VSTM4: variants seen among roughly 807,000 people sequenced by gnomAD.
VSTM4 encodes V-set and transmembrane domain-containing protein 4.
A neutral mutation model predicts 36.4 loss-of-function variants in VSTM4; 20 were observed. That is an observed-to-expected ratio of 0.55 (90% confidence interval 0.39 to 0.80). VSTM4 has a LOEUF of 0.80. Among genes scored for constraint, VSTM4 ranks in the 30% least tolerant of loss-of-function variants. VSTM4 has a pLI of 0.00. For missense variants in VSTM4, 392 were observed against 404.5 expected (o/e 0.97, Z 0.26); for synonymous variants, 182 against 173.9 (o/e 1.05, Z -0.37).
At chr10:49,020,374 A>G (rs897068398) in intron 7 of VSTM4, among the ~76,000 whole-genome samples, 3 of 152,162 alleles carry the variant, frequency 2.0e-5, no homozygotes, top group African/African-American at 7.2e-5. Flanking sequence ...GCAGTTAGAA[A>G]AAGAGGAATA....
intron 2 of VSTM4, among the ~76,000 whole-genome samples, chr10:49,094,065 G>T (rs1338427110): frequency 1.3e-5 from 2 of 152,152 alleles, no homozygotes; most frequent in Non-Finnish European, 2.9e-5. Context: ...TACTCTTAAT[G>T]AATGAATGAA....
At chr10:49,097,169 G>C (rs936821277) in intron 2 of VSTM4, among the ~76,000 whole-genome samples, 2 of 152,226 alleles carry the variant, frequency 1.3e-5, no homozygotes, top group African/African-American at 4.8e-5. Context: ...CAGGGCTACA[G>C]CTGGGGCCCA....
intron 4 of VSTM4, among the ~76,000 whole-genome samples, chr10:49,067,749 G>A (rs1456444570): frequency 6.6e-6 from 1 of 152,152 alleles, no homozygotes; most frequent in Non-Finnish European, 1.5e-5. Context: ...ACTTTGCTGT[G>A]GCGGCCTCCG....
At chr10:49,055,776 G>T (rs910135471) in intron 5 of VSTM4, among the ~76,000 whole-genome samples, 1 of 152,232 alleles carries the variant, frequency 6.6e-6, no homozygotes, top group African/African-American at 2.4e-5. Flanking sequence ...CCTTTGAAAT[G>T]ATTCTTTTCC....
intron 7 of VSTM4, among the ~76,000 whole-genome samples, chr10:49,043,083 A>C (rs1843546132): frequency 1.3e-5 from 2 of 152,172 alleles, no homozygotes; most frequent in South Asian, 4.1e-4. Context: ...CATAAAAATC[A>C]TGTCAAAGAA....
chr10:49,086,984 G>A (rs1488453533), intron 2 of VSTM4, among the ~76,000 whole-genome samples: 1 of 152,184 alleles, frequency 6.6e-6, no homozygotes, highest in African/African-American at 2.4e-5. Context: ...AAGAAATACG[G>A]CAAAGATGGC....
chr10:49,039,878 G>C (rs1843493232), intron 7 of VSTM4, among the ~76,000 whole-genome samples: 1 of 152,192 alleles, frequency 6.6e-6, no homozygotes. Flanking sequence ...ATCAATAACT[G>C]ACAGAAAGCA....
intron 2 of VSTM4, among the ~76,000 whole-genome samples, chr10:49,095,858 A>T (rs1844562840): frequency 6.6e-6 from 1 of 152,128 alleles, no homozygotes; most frequent in African/African-American, 2.4e-5. Context: ...GGCATCAAAC[A>T]TCTCCATCTG....
At chr10:49,107,271 A>G (rs1844799582) in intron 2 of VSTM4, among the ~76,000 whole-genome samples, 4 of 152,236 alleles carry the variant, frequency 2.6e-5, no homozygotes, top group Non-Finnish European at 5.9e-5. Flanking sequence ...ACCAGGGTCC[A>G]GCTTTGTTTA....
At chr10:49,053,864 G>A (rs755001248) in intron 5 of VSTM4, among the ~76,000 whole-genome samples, 1 of 152,224 alleles carries the variant, frequency 6.6e-6, no homozygotes, top group Non-Finnish European at 1.5e-5. Context: ...CAGGTCATGA[G>A]AGAGGCTGCA....
Position 49,093,742 on chromosome 10 carries a change from CTTTTTTT to C in VSTM4, c.458-7726_458-7720del, listed in dbSNP as rs35299738. On this transcript the variant is annotated intron_variant, in intron 2 of 7. Transcript: ENST00000332853. ...GCCCATAGTTCAAGTCATAGTTACT[CTTTTTTT>C]TTTTTTTTTTTTTTTTGAGATGGAG... Among the ~76,000 whole-genome samples, 139 of 103,662 alleles carry C rather than the reference CTTTTTTT, an allele frequency of 1.3e-3. No homozygotes were observed. In the Middle Eastern group the frequency reaches 0.018, roughly 13 times the overall value. 68.0% of individuals were successfully genotyped at this position (103,662 alleles called of 152,430 possible). A position where few individuals can be genotyped will look rare whatever the true frequency, so the allele number is the denominator to read the frequency against.
intron 4 of VSTM4, among the ~76,000 whole-genome samples, chr10:49,066,360 G>T (rs181915272): frequency 3.9e-5 from 6 of 152,258 alleles, no homozygotes; most frequent in Admixed American, 2.6e-4. Flanking sequence ...CTTTCACAAG[G>T]GGGGGATGTT....
chr10:49,104,052 AC>A (rs1295630336), intron 2 of VSTM4, among the ~76,000 whole-genome samples: 2 of 152,130 alleles, frequency 1.3e-5, no homozygotes, highest in African/African-American at 4.8e-5. Flanking sequence ...TAATCTCAGC[AC>A]TTTGGGAGGC....
chr10:49,048,416 C>T (rs1843646815), intron 6 of VSTM4, 62 bp downstream of exon 6: 5 of 1,450,846 alleles, frequency 3.4e-6, no homozygotes, highest in Non-Finnish European at 4.6e-6. Flanking sequence ...ACATGGAACC[C>T]CAGACCCACA....
Position 49,015,807 on chromosome 10 carries a change from C to T in VSTM4, c.*3843G>A. 1 of 152,260 alleles carries T rather than the reference C, an allele frequency of 6.6e-6. No homozygotes were observed. Among genetic ancestry groups the T allele is most frequent in the Non-Finnish European group, 1.5e-5 (1 of 68,060 alleles). 9.4% of individuals were successfully genotyped at this position (152,260 alleles called of 1,614,324 possible). A position where few individuals can be genotyped will look rare whatever the true frequency, so the allele number is the denominator to read the frequency against. Reference sequence around the variant, plus strand: ...TAAGCTTTAGGCTGACACAAAAAGACTCCCTCCAGCATGCAAGTGGCATGG... The same window carrying T: ...TAAGCTTTAGGCTGACACAAAAAGATTCCCTCCAGCATGCAAGTGGCATGG... On this transcript the variant is annotated 3_prime_UTR_variant, in exon 8 of 8. Coordinates refer to ENST00000332853, the MANE Select transcript of VSTM4 (RefSeq NM_001031746.5).
At position 49,018,322 on chromosome 10, in the gene VSTM4, C is replaced by T. The variant is rs947343624; in HGVS notation, c.*1328G>A. The T allele has an allele frequency of 6.6e-6, 1 of 152,160 alleles. No homozygotes were observed. Among genetic ancestry groups the T allele is most frequent in the Non-Finnish European group, 1.5e-5 (1 of 68,036 alleles). 9.4% of individuals were successfully genotyped at this position (152,160 alleles called of 1,614,324 possible). On this transcript the variant is annotated 3_prime_UTR_variant, in exon 8 of 8. Transcript: ENST00000332853. ...TGGCAAGATTCATTATCCCATTTTA[C>T]CCTCAAGAATTCTATGGGAAGTTAA...
intron 5 of VSTM4, among the ~76,000 whole-genome samples, chr10:49,063,894 G>C (rs1843925506): frequency 6.6e-6 from 1 of 152,200 alleles, no homozygotes; most frequent in African/African-American, 2.4e-5. Context: ...TGTGGGAGGA[G>C]CCCCTGATCC....
chr10:49,107,808 G>A lies in VSTM4; in HGVS notation c.243C>T (p.Leu81=), dbSNP rs773415201. The change falls in exon 2 of 8, where the codon CTC becomes CTT. Residue 81 remains leucine (L), a synonymous_variant. Coordinates refer to ENST00000332853, the MANE Select transcript of VSTM4 (RefSeq NM_001031746.5). ...QEALMVKMTK[L]RVVQYYGNFS... is the part of the protein sequence containing the mutation. ...AATTCCCATAGTACTGCACCACCCGGAGCTTGGTCATCTTCACCATCAAGG... is the reference window on the plus strand; with the variant it reads ...AATTCCCATAGTACTGCACCACCCGAAGCTTGGTCATCTTCACCATCAAGG... 1 of 1,614,280 alleles carries A rather than the reference G, an allele frequency of 6.2e-7. No individual in the cohort carries two copies. The highest frequency in any genetic ancestry group is 1.1e-5 in the South Asian group (1 of 91,092).
chr10:49,038,830 G>C (rs1002148226), intron 7 of VSTM4, among the ~76,000 whole-genome samples: 1 of 152,094 alleles, frequency 6.6e-6, no homozygotes, highest in African/African-American at 2.4e-5. Flanking sequence ...TGCACAGATG[G>C]CTGCTGTGCC....
Sources: gnomAD v4.1 joint callset for allele counts (sites outside exome capture counted in the v4.1 genomes callset) on GRCh38, gnomAD v4.1.1 for gene constraint, MANE v1.5 for transcripts, NCBI Gene and HGNC (gene_info 2026-07-23, HGNC 2026-07-21) for gene names.